DAP3: variants seen among roughly 807,000 people sequenced by gnomAD.
DAP3 encodes small ribosomal subunit protein mS29.
In DAP3, 28 loss-of-function variants were observed where a neutral mutation model predicts 51.9. That is an observed-to-expected ratio of 0.54 (90% confidence interval 0.40 to 0.74). The LOEUF (loss-of-function observed/expected upper bound fraction) is 0.74, where lower values mean the gene tolerates loss of function less well. DAP3 is among the 30% of genes least tolerant of loss of function. The pLI, the probability that DAP3 is intolerant of heterozygous loss-of-function variation, is 0.00. For missense variants in DAP3, 458 were observed against 483.5 expected (o/e 0.95, Z 0.49); for synonymous variants, 170 against 170.3 (o/e 1.00, Z 0.01).
intron 2 of DAP3, 54 bp from the exon 3 acceptor site, chr1:155,716,948 CAAAA>C (rs377724521): frequency 1.3e-4 from 177 of 1,394,076 alleles, no homozygotes; most frequent in South Asian, 4.0e-4. Flanking sequence ...AACTCCATCT[CAAAA>C]AAAAAAAAAA....
At chr1:155,688,092 T>A (rs1340372412), upstream of DAP3, 1 of 1,593,266 alleles carries the variant, frequency 6.3e-7, no homozygotes, top group Non-Finnish European at 8.6e-7. Context: ...CCGAGAGCGA[T>A]GAGAGTACAG....
chr1:155,695,000 G>T (rs892460868), intron 1 of DAP3, among the ~76,000 whole-genome samples: 2 of 152,166 alleles, frequency 1.3e-5, no homozygotes, highest in African/African-American at 4.8e-5. Context: ...GCATTTTTAA[G>T]GTTCAGTTGG....
At chr1:155,716,582 A>G (rs1462045880) in intron 2 of DAP3, among the ~76,000 whole-genome samples, 4 of 151,830 alleles carry the variant, frequency 2.6e-5, no homozygotes, top group Non-Finnish European at 4.4e-5. Context: ...CAAAAAAAAA[A>G]AGAAAAATGT....
At chr1:155,693,462 G>A (rs1006298999) in intron 1 of DAP3, among the ~76,000 whole-genome samples, 6 of 141,732 alleles carry the variant, frequency 4.2e-5, no homozygotes, top group Non-Finnish European at 8.8e-5. Flanking sequence ...GATGTGGGCC[G>A]GCTATACCAA....
At chr1:155,718,712 A>ATAGG (rs1490124830) in intron 3 of DAP3, among the ~76,000 whole-genome samples, 10 of 103,130 alleles carry the variant, frequency 9.7e-5, no homozygotes, top group Non-Finnish European at 4.8e-5. Context: ...AGAAAGATAG[A>ATAGG]TAGATAGATA....
At chr1:155,716,857 G>C in intron 2 of DAP3, 149 bp from the exon 3 acceptor site, 1 of 1,084,598 alleles carries the variant, frequency 9.2e-7, no homozygotes, top group Non-Finnish European at 1.3e-6. Flanking sequence ...TGAGGCAGGA[G>C]AATCACTTGA....
intron 3 of DAP3, among the ~76,000 whole-genome samples, chr1:155,720,595 C>T (rs994111042): frequency 5.3e-5 from 8 of 151,652 alleles, no homozygotes; most frequent in Non-Finnish European, 1.0e-4. Context: ...TTGTGGTGAG[C>T]CAAGATCGCG....
intron 1 of DAP3, among the ~76,000 whole-genome samples, chr1:155,696,790 C>T (rs1442144031): frequency 6.6e-6 from 1 of 152,226 alleles, no homozygotes; most frequent in Non-Finnish European, 1.5e-5. Flanking sequence ...CCAATGATAT[C>T]TGGCTGCAGG....
At chr1:155,710,807 C>T (rs1656601083) in intron 2 of DAP3, among the ~76,000 whole-genome samples, 1 of 152,110 alleles carries the variant, frequency 6.6e-6, no homozygotes, top group African/African-American at 2.4e-5. Flanking sequence ...AGCCTGTGGC[C>T]TAACCACTGT....
At chr1:155,701,686 A>AT (rs1031595210) in intron 1 of DAP3, among the ~76,000 whole-genome samples, 14 of 135,486 alleles carry the variant, frequency 1.0e-4, no homozygotes, top group African/African-American at 4.0e-4. Context: ...AAAAAAATAA[A>AT]TTAAAAAAAA....
chr1:155,724,255 A>T (rs1208321243), intron 4 of DAP3, among the ~76,000 whole-genome samples: 1 of 152,174 alleles, frequency 6.6e-6, no homozygotes, highest in Non-Finnish European at 1.5e-5. Flanking sequence ...GGATGGCCTT[A>T]GAGTTGTGAG....
chr1:155,705,602 CAA>C (rs1340171324), intron 1 of DAP3, among the ~76,000 whole-genome samples: 1 of 69,602 alleles, frequency 1.4e-5, no homozygotes, highest in Non-Finnish European at 2.9e-5. Flanking sequence ...GACCCTGTCT[CAA>C]AAAAAAAAAG....
intron 9 of DAP3, among the ~76,000 whole-genome samples, chr1:155,730,775 A>T (rs1055043307): frequency 6.6e-6 from 1 of 152,112 alleles, no homozygotes; most frequent in African/African-American, 2.4e-5. Flanking sequence ...CTGTCTTTTG[A>T]TTCTTTTTTC....
intron 11 of DAP3, among the ~76,000 whole-genome samples, chr1:155,732,453 G>C (rs1659344987): frequency 6.6e-6 from 1 of 151,828 alleles, no homozygotes; most frequent in Non-Finnish European, 1.5e-5. Context: ...CTGGTTTCAA[G>C]CTCCTGACCT....
upstream of DAP3, chr1:155,688,259 G>A (rs751314743): frequency 8.7e-6 from 14 of 1,603,636 alleles, no homozygotes; most frequent in Admixed American, 3.5e-5. Context: ...GGCAAACTGA[G>A]AGGAGGCGGA....
chr1:155,729,635 C>T (rs545410717), intron 9 of DAP3, among the ~76,000 whole-genome samples: 9 of 152,100 alleles, frequency 5.9e-5, no homozygotes, highest in East Asian at 1.9e-4. Flanking sequence ...AGAAATTAGC[C>T]GGTAGCTGGC....
At chr1:155,690,938 C>T (rs913093423) in intron 1 of DAP3, among the ~76,000 whole-genome samples, 21 of 141,700 alleles carry the variant, frequency 1.5e-4, no homozygotes, top group South Asian at 1.5e-3. Context: ...GACGGAGTCT[C>T]GCTCTGTCAC....
chr1:155,726,112 T>TA, intron 6 of DAP3, 93 bp downstream of exon 6: 24 of 1,007,344 alleles, frequency 2.4e-5, no homozygotes, highest in Non-Finnish European at 3.0e-5. Context: ...TCTTTTCTTT[T>TA]CTTTTTTTTT....
intron 1 of DAP3, among the ~76,000 whole-genome samples, chr1:155,698,521 C>A (rs974415475): frequency 6.6e-6 from 1 of 152,136 alleles, no homozygotes; most frequent in South Asian, 2.1e-4. Context: ...TTAAACTCCT[C>A]TCTCTCCTCT....
Sources: gnomAD v4.1 joint callset for allele counts (sites outside exome capture counted in the v4.1 genomes callset) on GRCh38, gnomAD v4.1.1 for gene constraint, MANE v1.5 for transcripts, NCBI Gene and HGNC (gene_info 2026-07-23, HGNC 2026-07-21) for gene names.